NELL2: variants seen among roughly 807,000 people sequenced by gnomAD.
The protein encoded by NELL2 is neural EGFL like 2, also known as protein kinase C-binding protein NELL2.
A neutral mutation model predicts 109.6 loss-of-function variants in NELL2; 41 were observed. That is an observed-to-expected ratio of 0.37 (90% CI 0.29 to 0.49). NELL2 has a LOEUF of 0.49. Among genes scored for constraint, NELL2 ranks in the 20% least tolerant of loss-of-function variants. The pLI, the probability that NELL2 is intolerant of heterozygous loss-of-function variation, is 0.98. For missense variants in NELL2, 900 were observed against 1,008.3 expected (o/e 0.89, Z 1.45); for synonymous variants, 355 against 344.7 (o/e 1.03, Z -0.33).
At chr12:44,723,652 T>A (rs1216745276) in intron 9 of NELL2, among the ~76,000 whole-genome samples, 1 of 152,196 alleles carries the variant, frequency 6.6e-6, no homozygotes, top group Non-Finnish European at 1.5e-5. Context: ...GGGGTTTTTT[T>A]AATGTAATAA....
At chr12:44,639,637 C>T (rs2136298061) in intron 13 of NELL2, among the ~76,000 whole-genome samples, 1 of 152,190 alleles carries the variant, frequency 6.6e-6, no homozygotes, top group African/African-American at 2.4e-5. Context: ...TTTCCATTTC[C>T]AGGGCTATCC....
At chr12:44,521,186 G>A (rs943530292) in intron 18 of NELL2, among the ~76,000 whole-genome samples, 1 of 152,084 alleles carries the variant, frequency 6.6e-6, no homozygotes, top group Middle Eastern at 3.2e-3. Context: ...TAAATATATA[G>A]AGAAATTCAA....
At chr12:44,671,126 A>G (rs1948124076) in intron 12 of NELL2, among the ~76,000 whole-genome samples, 1 of 152,226 alleles carries the variant, frequency 6.6e-6, no homozygotes, top group Non-Finnish European at 1.5e-5. Context: ...CTAGAAATCA[A>G]TAACAACAGA....
At chr12:44,674,607 A>G (rs1948246999) in intron 12 of NELL2, among the ~76,000 whole-genome samples, 1 of 152,222 alleles carries the variant, frequency 6.6e-6, no homozygotes, top group Non-Finnish European at 1.5e-5. Flanking sequence ...ATGTATTTAA[A>G]TGACCAACAA....
chr12:44,797,099 T>C (rs1942651169), intron 3 of NELL2, among the ~76,000 whole-genome samples: 1 of 152,084 alleles, frequency 6.6e-6, no homozygotes, highest in Non-Finnish European at 1.5e-5. Flanking sequence ...AATAAAGCAC[T>C]GATAATAAGT....
chr12:44,841,955 AAAAAAG>A (rs1235361020), intron 2 of NELL2, among the ~76,000 whole-genome samples: 6 of 152,116 alleles, frequency 3.9e-5, no homozygotes, highest in Non-Finnish European at 8.8e-5. Flanking sequence ...GACAGAAAAT[AAAAAAG>A]AAAAAGAAAA....
At chr12:44,736,001 A>ATTTT (rs1566268496) in intron 9 of NELL2, among the ~76,000 whole-genome samples, 1 of 144,318 alleles carries the variant, frequency 6.9e-6, no homozygotes, top group Non-Finnish European at 1.5e-5. Flanking sequence ...CAAGCAGTTA[A>ATTTT]TTCTTTTTTT....
chr12:44,805,871 G>A (rs1160116108), intron 3 of NELL2, among the ~76,000 whole-genome samples: 1 of 151,676 alleles, frequency 6.6e-6, no homozygotes, highest in African/African-American at 2.4e-5. Context: ...ATAGCAAAAA[G>A]GATAGATATT....
chr12:44,559,538 G>A (rs980299181), intron 15 of NELL2, among the ~76,000 whole-genome samples: 1 of 152,082 alleles, frequency 6.6e-6, no homozygotes, highest in South Asian at 2.1e-4. Context: ...CCTAGTCTCT[G>A]ATAAAACCGA....
intron 3 of NELL2, among the ~76,000 whole-genome samples, chr12:44,783,608 T>A (rs1942047499): frequency 6.6e-6 from 1 of 151,774 alleles, no homozygotes; most frequent in Non-Finnish European, 1.5e-5. Flanking sequence ...ATGAACTAAT[T>A]CAAAAACACA....
intron 11 of NELL2, among the ~76,000 whole-genome samples, chr12:44,708,022 G>A (rs1365113180): frequency 6.6e-6 from 1 of 152,144 alleles, no homozygotes; most frequent in East Asian, 1.9e-4. Context: ...TAGTCAATAA[G>A]CCTTAATGAT....
At chr12:44,528,547 A>G (rs1030593769) in intron 16 of NELL2, among the ~76,000 whole-genome samples, 1 of 152,226 alleles carries the variant, frequency 6.6e-6, no homozygotes, top group Admixed American at 6.5e-5. Context: ...TTAGCTATCT[A>G]TTATTTACCT....
upstream of NELL2, among the ~76,000 whole-genome samples, chr12:44,918,991 A>G: frequency 6.6e-6 from 1 of 152,224 alleles, no homozygotes; most frequent in Non-Finnish European, 1.5e-5. Context: ...TAAGAATGAC[A>G]GAATGAAAAC....
chr12:44,618,010 C>T (rs996717223), intron 13 of NELL2, among the ~76,000 whole-genome samples: 1 of 152,074 alleles, frequency 6.6e-6, no homozygotes, highest in African/African-American at 2.4e-5. Flanking sequence ...AAATTGCCTG[C>T]TGACATATTG....
At chr12:44,791,082 C>CATATATATATATGTATATATATATGT (rs1942374210) in intron 3 of NELL2, among the ~76,000 whole-genome samples, 2 of 52,034 alleles carry the variant, frequency 3.8e-5, no homozygotes, top group African/African-American at 2.4e-4. Context: ...TATATATATA[C>CATATATATATATGTATATATATATGT]ATATATATAT....
intron 15 of NELL2, among the ~76,000 whole-genome samples, chr12:44,548,663 T>C (rs1209249266): frequency 6.6e-6 from 1 of 152,066 alleles, no homozygotes; most frequent in Non-Finnish European, 1.5e-5. Context: ...TACCAACATA[T>C]GTCACTTTCA....
intron 15 of NELL2, among the ~76,000 whole-genome samples, chr12:44,548,793 A>G (rs1942910396): frequency 6.6e-6 from 1 of 152,212 alleles, no homozygotes; most frequent in Admixed American, 6.5e-5. Flanking sequence ...TTTAATTGGC[A>G]CTATTTTAAA....
chr12:44,636,557 T>C (rs1436406954), intron 13 of NELL2, among the ~76,000 whole-genome samples: 2 of 152,208 alleles, frequency 1.3e-5, no homozygotes, highest in Non-Finnish European at 2.9e-5. Context: ...GTTTTTGTCA[T>C]TGGTTCTGTT....
intron 1 of NELL2, among the ~76,000 whole-genome samples, chr12:44,908,237 A>G (rs562309542): frequency 6.6e-6 from 1 of 152,160 alleles, no homozygotes; most frequent in South Asian, 2.1e-4. Context: ...TATAGATAAG[A>G]AATAGAAGAG....
Sources: gnomAD v4.1 joint callset for allele counts (sites outside exome capture counted in the v4.1 genomes callset) on GRCh38, gnomAD v4.1.1 for gene constraint, MANE v1.5 for transcripts, NCBI Gene and HGNC (gene_info 2026-07-23, HGNC 2026-07-21) for gene names.